The following GALNT13 variants were observed in gnomAD, a reference collection of about 807,000 sequenced individuals.
GALNT13 encodes the protein polypeptide N-acetylgalactosaminyltransferase 13, also known as UDP-GalNAc:polypeptide N-acetylgalactosaminyltransferase 13.
Under a neutral mutation model 64.2 loss-of-function variants are expected in GALNT13, and 28 were observed. That is an observed-to-expected ratio of 0.44 (90% CI 0.32 to 0.60). The LOEUF is 0.60. Ranked by LOEUF, GALNT13 falls within the 20% of genes least tolerant of loss-of-function variation. GALNT13 has a pLI of 0.05. For synonymous variants in GALNT13, 214 were observed against 224.6 expected (o/e 0.95, Z 0.42); for missense variants, 577 against 669.8 (o/e 0.86, Z 1.53).
the GALNT13 span, among the ~76,000 whole-genome samples, chr2:153,213,271 A>T: frequency 3.6e-3 from 542 of 152,322 alleles, 2 homozygotes; most frequent in African/African-American, 0.012. Flanking sequence ...CAGGTGGATG[A>T]TGCACACACA....
At chr2:154,455,632 C>T (rs1333515745), downstream of GALNT13, among the ~76,000 whole-genome samples, 1 of 152,112 alleles carries the variant, frequency 6.6e-6, no homozygotes, top group Non-Finnish European at 1.5e-5. Context: ...GTTGTGACTA[C>T]ACCATGTTCG....
intron 3 of GALNT13, among the ~76,000 whole-genome samples, chr2:154,101,432 G>A (rs925191455): frequency 6.6e-6 from 1 of 151,824 alleles, no homozygotes; most frequent in Admixed American, 6.6e-5. Flanking sequence ...TTTCTAGTTT[G>A]TGCACATGGA....
intron 3 of GALNT13, among the ~76,000 whole-genome samples, chr2:153,994,856 C>A (rs905668737): frequency 2.0e-5 from 3 of 151,954 alleles, no homozygotes; most frequent in African/African-American, 7.3e-5. Flanking sequence ...AATTTTCTCC[C>A]ATTCTGTAGG....
the GALNT13 span, among the ~76,000 whole-genome samples, chr2:153,382,027 T>C: frequency 5.3e-5 from 8 of 152,224 alleles, no homozygotes; most frequent in Non-Finnish European, 1.0e-4. Context: ...ATACAGCAGT[T>C]AATCTAGAAA....
At chr2:154,037,045 T>C (rs1024365267) in intron 3 of GALNT13, among the ~76,000 whole-genome samples, 1 of 152,182 alleles carries the variant, frequency 6.6e-6, no homozygotes, top group Non-Finnish European at 1.5e-5. Flanking sequence ...CTTAACCTTT[T>C]ATGGTTTAAA....
the GALNT13 span, among the ~76,000 whole-genome samples, chr2:153,664,834 C>T: frequency 6.6e-6 from 1 of 152,152 alleles, no homozygotes; most frequent in Admixed American, 6.6e-5. Flanking sequence ...TACAACTAAT[C>T]CACCTAGCCC....
chr2:153,612,200 C>T, the GALNT13 span, among the ~76,000 whole-genome samples: 23 of 152,134 alleles, frequency 1.5e-4, no homozygotes, highest in African/African-American at 4.8e-4. Context: ...CCGATGCCAT[C>T]GAGCATGTGG....
At chr2:153,157,242 A>G in the GALNT13 span, among the ~76,000 whole-genome samples, 1 of 152,178 alleles carries the variant, frequency 6.6e-6, no homozygotes, top group East Asian at 1.9e-4. Flanking sequence ...GATTATTATT[A>G]CAATTTATTA....
At chr2:154,385,944 T>C (rs799794) in intron 9 of GALNT13, among the ~76,000 whole-genome samples, 59,968 of 151,864 alleles carry the variant, frequency 0.39, 12,071 homozygotes, top group African/African-American at 0.46. Context: ...GAAATTACTC[T>C]TGAGATTTCT....
intron 11 of GALNT13, among the ~76,000 whole-genome samples, chr2:154,417,064 C>T (rs1559143261): frequency 6.6e-6 from 1 of 152,006 alleles, no homozygotes; most frequent in Non-Finnish European, 1.5e-5. Flanking sequence ...GGGATTCATT[C>T]TACTAGTCTT....
chr2:153,465,396 A>G, the GALNT13 span, among the ~76,000 whole-genome samples: 3 of 151,708 alleles, frequency 2.0e-5, no homozygotes, highest in African/African-American at 7.3e-5. Context: ...TTTGTTCTCA[A>G]GCCTTGTGAT....
chr2:153,414,543 A>C, the GALNT13 span, among the ~76,000 whole-genome samples: 1 of 150,894 alleles, frequency 6.6e-6, no homozygotes, highest in Admixed American at 6.6e-5. Flanking sequence ...TGAAGTCATG[A>C]CAAGAACCAC....
At chr2:153,259,095 A>G in the GALNT13 span, among the ~76,000 whole-genome samples, 1 of 152,166 alleles carries the variant, frequency 6.6e-6, no homozygotes, top group African/African-American at 2.4e-5. Context: ...TGCTTTATAT[A>G]TCTGAGGCTC....
intron 4 of GALNT13, among the ~76,000 whole-genome samples, chr2:154,153,259 C>T (rs1180727048): frequency 7.9e-5 from 12 of 151,950 alleles, no homozygotes; most frequent in Admixed American, 3.9e-4. Flanking sequence ...TTTCATGAAC[C>T]GCGAATGCTG....
intron 2 of GALNT13, among the ~76,000 whole-genome samples, chr2:153,934,400 A>C (rs1690752387): frequency 6.6e-6 from 1 of 152,154 alleles, no homozygotes; most frequent in Admixed American, 6.6e-5. Context: ...TGATGATCTC[A>C]GGTCTGTGAA....
intron 12 of GALNT13, among the ~76,000 whole-genome samples, chr2:154,447,933 G>C (rs1410710192): frequency 1.3e-5 from 2 of 152,030 alleles, no homozygotes; most frequent in Admixed American, 1.3e-4. Context: ...CAAGTCTACT[G>C]TAGAGTGCTA....
At chr2:154,346,812 A>C (rs1696093466) in intron 9 of GALNT13, among the ~76,000 whole-genome samples, 1 of 152,164 alleles carries the variant, frequency 6.6e-6, no homozygotes, top group Admixed American at 6.6e-5. Flanking sequence ...GCATGTATTT[A>C]CTGCCTAATG....
intron 4 of GALNT13, among the ~76,000 whole-genome samples, chr2:154,211,629 CAAAAAAAAAAAA>C (rs140095331): frequency 1.1e-4 from 4 of 37,932 alleles, no homozygotes; most frequent in South Asian, 1.7e-3. Flanking sequence ...ACTCCATCTC[CAAAAAAAAAAAA>C]AAAAAAAAAA....
At chr2:153,526,698 A>G in the GALNT13 span, among the ~76,000 whole-genome samples, 1 of 152,170 alleles carries the variant, frequency 6.6e-6, no homozygotes, top group African/African-American at 2.4e-5. Context: ...ACCAAATTAA[A>G]TAAATAAGGC....
Sources: allele counts gnomAD v4.1 joint callset (sites outside exome capture counted in the v4.1 genomes callset), GRCh38; gene constraint gnomAD v4.1.1; transcripts MANE v1.5; gene names NCBI Gene and HGNC (gene_info 2026-07-23, HGNC 2026-07-21).